The following SLC4A7 variants were observed in gnomAD, a reference collection of about 807,000 sequenced individuals.
SLC4A7 encodes sodium bicarbonate cotransporter 3.
SLC4A7 carries 51 observed loss-of-function variants against 137.6 expected under a neutral mutation model. That is an observed-to-expected ratio of 0.37 (90% CI 0.30 to 0.47). SLC4A7 has a LOEUF of 0.47. SLC4A7 is among the 20% of genes least tolerant of loss of function. The probability of loss-of-function intolerance (pLI) is 1.00; values close to 1 mark genes in which losing one functional copy is unlikely to be tolerated. For synonymous variants in SLC4A7, 542 were observed against 518.6 expected, an observed-to-expected ratio of 1.05 and a Z score of -0.61; for missense variants, 1,247 against 1,525.4, an observed-to-expected ratio of 0.82 and a Z score of 3.04.
chr3:27,409,731 G>T (rs1300616741), intron 12 of SLC4A7, among the ~76,000 whole-genome samples: 2 of 152,106 alleles, frequency 1.3e-5, no homozygotes, highest in Non-Finnish European at 2.9e-5. Flanking sequence ...TTCATTAAGA[G>T]ACAAATATCT....
chr3:27,478,006 C>T (rs1178923576), intron 1 of SLC4A7, among the ~76,000 whole-genome samples: 2 of 152,148 alleles, frequency 1.3e-5, no homozygotes, highest in Non-Finnish European at 2.9e-5. Flanking sequence ...AAAAGTATAA[C>T]CATTTCTCAT....
In SLC4A7 at chr3:27,398,372, A is replaced by G; in HGVS notation, c.2428-19T>C. 1 of 1,582,126 alleles carries G rather than the reference A, an allele frequency of 6.3e-7. No homozygotes were observed. Reference sequence around the variant, plus strand: ...TACATTCCTGGAAAAAAGGAGAAAGAAAAAGCAGAATGGGGGATTCTTACG... The same window carrying G: ...TACATTCCTGGAAAAAAGGAGAAAGGAAAAGCAGAATGGGGGATTCTTACG... On this transcript the variant is annotated intron_variant, in intron 16 of 25. Coordinates refer to ENST00000454389, the MANE Select transcript of SLC4A7 (RefSeq NM_001321103.2).
chr3:27,450,261 G>A (rs182891840), intron 2 of SLC4A7, among the ~76,000 whole-genome samples: 1 of 152,104 alleles, frequency 6.6e-6, no homozygotes, highest in African/African-American at 2.4e-5. Flanking sequence ...AAATGTCTAT[G>A]GAATTAAATC....
At chr3:27,441,360 A>C (rs914157824) in intron 3 of SLC4A7, among the ~76,000 whole-genome samples, 2 of 152,116 alleles carry the variant, frequency 1.3e-5, no homozygotes, top group African/African-American at 4.8e-5. Context: ...CCCTCCTCTT[A>C]TGTTTTCTAG....
chr3:27,379,431 C>T, intron 24 of SLC4A7, 75 bp from the exon 25 acceptor site: 2 of 717,680 alleles, frequency 2.8e-6, no homozygotes, highest in Admixed American at 2.2e-5. Context: ...TTATTATCTG[C>T]TTTCATCAAC....
At chr3:27,400,983 A>T in intron 15 of SLC4A7, 114 bp from the exon 16 acceptor site, 1 of 598,412 alleles carries the variant, frequency 1.7e-6, no homozygotes, top group South Asian at 2.5e-5. Flanking sequence ...CACATTGAGA[A>T]GCATGGAGAC....
chr3:27,458,471 T>C (rs2058525552), intron 1 of SLC4A7, among the ~76,000 whole-genome samples: 1 of 152,098 alleles, frequency 6.6e-6, no homozygotes, highest in South Asian at 2.1e-4. Flanking sequence ...AACTAAGGCT[T>C]CTAAACTTCT....
At chr3:27,435,905 G>T (rs565557193) in intron 5 of SLC4A7, among the ~76,000 whole-genome samples, 10 of 152,038 alleles carry the variant, frequency 6.6e-5, no homozygotes, top group South Asian at 2.1e-4. Context: ...CTCTAACTGG[G>T]TTTCCCAACA....
chr3:27,387,179 A>C (rs889029599), intron 22 of SLC4A7, among the ~76,000 whole-genome samples: 15 of 152,198 alleles, frequency 9.9e-5, no homozygotes, highest in African/African-American at 3.6e-4. Context: ...GTAGATGGCA[A>C]AGCAAAGCCC....
chr3:27,463,408 C>T (rs2150643257), intron 1 of SLC4A7, among the ~76,000 whole-genome samples: 1 of 151,764 alleles, frequency 6.6e-6, no homozygotes, highest in East Asian at 1.9e-4. Context: ...CCAGCCTCGG[C>T]GACAGAGCGA....
intron 11 of SLC4A7, among the ~76,000 whole-genome samples, chr3:27,412,085 CCCA>C (rs2053955368): frequency 6.6e-6 from 1 of 152,168 alleles, no homozygotes; most frequent in Non-Finnish European, 1.5e-5. Context: ...AAGCATCTCT[CCCA>C]CCAAAACTTT....
chr3:27,466,955 G>A (rs1437464335), intron 1 of SLC4A7, among the ~76,000 whole-genome samples: 1 of 152,152 alleles, frequency 6.6e-6, no homozygotes, highest in Non-Finnish European at 1.5e-5. Flanking sequence ...GATGAGTGAG[G>A]AAGTTAGTTT....
At chr3:27,406,314 T>C (rs2053349658) in intron 13 of SLC4A7, among the ~76,000 whole-genome samples, 1 of 152,184 alleles carries the variant, frequency 6.6e-6, no homozygotes. Context: ...ATATAGTCAA[T>C]GAATAGGTAG....
At chr3:27,379,618 C>T (rs773768253) in intron 24 of SLC4A7, among the ~76,000 whole-genome samples, 8 of 152,034 alleles carry the variant, frequency 5.3e-5, no homozygotes, top group Non-Finnish European at 1.2e-4. Flanking sequence ...AGTAGTACTT[C>T]GGCAGCACTC....
At chr3:27,403,679 A>T (rs1380409910) in intron 14 of SLC4A7, among the ~76,000 whole-genome samples, 2 of 152,142 alleles carry the variant, frequency 1.3e-5, no homozygotes, top group Non-Finnish European at 2.9e-5. Context: ...AATATTTCAA[A>T]ATCATTACAG....
chr3:27,403,419 T>C lies in SLC4A7; in HGVS notation c.2076-35A>G, dbSNP rs538119509. 6 of 1,464,770 alleles carry C rather than the reference T, an allele frequency of 4.1e-6. No homozygotes were observed. In the East Asian group the frequency reaches 1.1e-4, roughly 28 times the overall value. 90.7% of individuals were successfully genotyped at this position (1,464,770 alleles called of 1,614,324 possible). Reference sequence around the variant, plus strand: ...AAGAAAAATATGAATATGATAAACATATGTGGAATAGTATTTGTACCTAAA... The same window carrying C: ...AAGAAAAATATGAATATGATAAACACATGTGGAATAGTATTTGTACCTAAA... On this transcript the variant is annotated intron_variant, in intron 14 of 25. Coordinates refer to ENST00000454389, the MANE Select transcript of SLC4A7 (RefSeq NM_001321103.2).
intron 1 of SLC4A7, among the ~76,000 whole-genome samples, chr3:27,469,246 C>G (rs582505): frequency 2.6e-5 from 4 of 152,196 alleles, no homozygotes; most frequent in South Asian, 2.1e-4. Flanking sequence ...TTTCTCCCCA[C>G]GAGCAAGCCA....
intron 3 of SLC4A7, among the ~76,000 whole-genome samples, chr3:27,437,836 C>A (rs999268808): frequency 1.3e-5 from 2 of 152,060 alleles, no homozygotes; most frequent in Non-Finnish European, 1.5e-5. Context: ...AAAACATGAA[C>A]ATAATGCTCA....
chr3:27,400,570 C>T (rs2052644678), intron 16 of SLC4A7, among the ~76,000 whole-genome samples, 194 bp downstream of exon 16: 1 of 152,152 alleles, frequency 6.6e-6, no homozygotes, highest in African/African-American at 2.4e-5. Context: ...GTGCCAGTTT[C>T]ATTCTTTTCA....
Sources: allele counts gnomAD v4.1 joint callset (sites outside exome capture counted in the v4.1 genomes callset), GRCh38; gene constraint gnomAD v4.1.1; transcripts MANE v1.5; gene names NCBI Gene and HGNC (gene_info 2026-07-23, HGNC 2026-07-21).